Variants in TTC27 observed in about 807,000 individuals in gnomAD.
TTC27 encodes tetratricopeptide repeat domain 27.
In TTC27, 79 loss-of-function variants were observed where a neutral mutation model predicts 115.9. The ratio of observed to expected loss-of-function variants is 0.68; its 90% CI spans 0.57 to 0.82. TTC27 has a LOEUF of 0.82. TTC27 is among the 40% of genes least tolerant of loss of function. The probability of loss-of-function intolerance (pLI) is 0.00; values close to 1 mark genes in which losing one functional copy is unlikely to be tolerated. For missense variants in TTC27, 1,054 were observed against 993.1 expected, an observed-to-expected ratio of 1.06 and a Z score of -0.82; for synonymous variants, 401 against 356.0, an observed-to-expected ratio of 1.13 and a Z score of -1.42.
intron 13 of TTC27, among the ~76,000 whole-genome samples, chr2:32,767,458 T>G (rs1572594721): frequency 1.4e-5 from 2 of 140,848 alleles, no homozygotes; most frequent in African/African-American, 5.3e-5. Context: ...TTTTTGTTTT[T>G]TTTTTTTTTT....
At chr2:32,807,749 G>A (rs2148043207) in intron 16 of TTC27, among the ~76,000 whole-genome samples, 1 of 151,936 alleles carries the variant, frequency 6.6e-6, no homozygotes, top group South Asian at 2.1e-4. Context: ...TCTGGCTTTG[G>A]TTCTGGATTA....
intron 12 of TTC27, among the ~76,000 whole-genome samples, chr2:32,741,503 T>G (rs909424890): frequency 8.0e-5 from 12 of 149,870 alleles, no homozygotes; most frequent in Non-Finnish European, 8.9e-5. Context: ...AAAAAAAAAA[T>G]TAACCGGACG....
intron 7 of TTC27, among the ~76,000 whole-genome samples, chr2:32,669,089 AT>A (rs201109799): frequency 1.8e-4 from 27 of 152,048 alleles, no homozygotes; most frequent in Non-Finnish European, 3.5e-4. Context: ...AAAAAAAAAA[AT>A]AAATCAATAA....
chr2:32,776,414 CTCA>C (rs1669998986), intron 13 of TTC27, among the ~76,000 whole-genome samples: 2 of 152,214 alleles, frequency 1.3e-5, no homozygotes, highest in African/African-American at 4.8e-5. Context: ...AACAGAGTAC[CTCA>C]TTTTCTTTCC....
At chr2:32,733,045 C>G (rs1668345072) in intron 10 of TTC27, among the ~76,000 whole-genome samples, 1 of 152,224 alleles carries the variant, frequency 6.6e-6, no homozygotes, top group African/African-American at 2.4e-5. Flanking sequence ...GCTTCTCTAG[C>G]AATCCCACAA....
chr2:32,763,386 T>A (rs1251160718), intron 13 of TTC27, among the ~76,000 whole-genome samples: 2 of 152,228 alleles, frequency 1.3e-5, no homozygotes, highest in Non-Finnish European at 2.9e-5. Context: ...AATTCTATCC[T>A]CTTTTTTAGA....
intron 9 of TTC27, among the ~76,000 whole-genome samples, chr2:32,688,676 C>T (rs1431908204): frequency 6.6e-6 from 1 of 152,038 alleles, no homozygotes; most frequent in Middle Eastern, 3.2e-3. Flanking sequence ...TAACATTAGT[C>T]ATCAGAGAAA....
chr2:32,696,792 T>TA (rs1331735777), intron 9 of TTC27, among the ~76,000 whole-genome samples: 2 of 152,250 alleles, frequency 1.3e-5, no homozygotes, highest in Non-Finnish European at 2.9e-5. Context: ...TGCCTAGATT[T>TA]ACTTTTTTCA....
At chr2:32,719,529 A>G (rs1667857280) in intron 10 of TTC27, among the ~76,000 whole-genome samples, 1 of 152,208 alleles carries the variant, frequency 6.6e-6, no homozygotes, top group Non-Finnish European at 1.5e-5. Context: ...GCATGTGGTC[A>G]TAAAGAAGAA....
chr2:32,783,241 G>A (rs1670241974), intron 15 of TTC27, among the ~76,000 whole-genome samples: 1 of 152,142 alleles, frequency 6.6e-6, no homozygotes, highest in Admixed American at 6.6e-5. Flanking sequence ...ATTTAGTCTT[G>A]TGAGGATCAA....
chr2:32,787,870 A>G (rs182160842), intron 16 of TTC27, among the ~76,000 whole-genome samples: 85 of 152,316 alleles, frequency 5.6e-4, no homozygotes, highest in Non-Finnish European at 9.7e-4. Context: ...GAATGGAGAG[A>G]TAGCAGAGTT....
intron 19 of TTC27, among the ~76,000 whole-genome samples, chr2:32,817,941 CA>C (rs956276452): frequency 3.7e-4 from 57 of 152,170 alleles, no homozygotes; most frequent in African/African-American, 1.3e-3. Flanking sequence ...TCTGTAATCC[CA>C]GCCACTCAGG....
At chr2:32,730,693 C>A (rs1558314520) in intron 10 of TTC27, among the ~76,000 whole-genome samples, 1 of 150,492 alleles carries the variant, frequency 6.6e-6, no homozygotes, top group South Asian at 2.1e-4. Context: ...GTGATCTTGA[C>A]TCACTGCAAC....
At chr2:32,687,869 C>CA (rs1468399972) in intron 9 of TTC27, among the ~76,000 whole-genome samples, 1 of 152,128 alleles carries the variant, frequency 6.6e-6, no homozygotes, top group African/African-American at 2.4e-5. Context: ...AATATTTTAA[C>CA]ACCCCTCTGT....
chr2:32,688,091 A>C (rs940816569), intron 9 of TTC27, among the ~76,000 whole-genome samples: 4 of 152,214 alleles, frequency 2.6e-5, no homozygotes, highest in Non-Finnish European at 5.9e-5. Flanking sequence ...AATTGATTAC[A>C]TATAGTACAT....
intron 7 of TTC27, among the ~76,000 whole-genome samples, chr2:32,671,989 TA>T (rs1666031433): frequency 6.6e-6 from 1 of 152,216 alleles, no homozygotes; most frequent in Non-Finnish European, 1.5e-5. Flanking sequence ...AAAATGTATA[TA>T]AAATTATCTG....
intron 12 of TTC27, among the ~76,000 whole-genome samples, chr2:32,758,001 G>A (rs1358325675): frequency 3.9e-5 from 6 of 152,118 alleles, no homozygotes; most frequent in Admixed American, 6.5e-5. Context: ...CACGTCTGGC[G>A]AAAAACAACT....
At chr2:32,723,694 TCCTCCCTCCCTCCCTC>T (rs202118999) in intron 10 of TTC27, among the ~76,000 whole-genome samples, 1 of 57,860 alleles carries the variant, frequency 1.7e-5, no homozygotes, top group Non-Finnish European at 3.3e-5. Context: ...CTCAGCTCCT[TCCTCCCTCCCTCCCTC>T]CCTCCCTCCC....
chr2:32,636,003 C>T (rs1055651815), intron 3 of TTC27, among the ~76,000 whole-genome samples: 2 of 152,052 alleles, frequency 1.3e-5, no homozygotes, highest in African/African-American at 2.4e-5. Flanking sequence ...AGTAAAAAAA[C>T]CCCAAACCCT....
Sources: allele counts gnomAD v4.1 joint callset (sites outside exome capture counted in the v4.1 genomes callset), GRCh38; gene constraint gnomAD v4.1.1; transcripts MANE v1.5; gene names NCBI Gene and HGNC (gene_info 2026-07-23, HGNC 2026-07-21).